GCSAML: variants seen among roughly 807,000 people sequenced by gnomAD.
GCSAML encodes germinal center-associated signaling and motility-like protein.
A neutral mutation model predicts 13.0 loss-of-function variants in GCSAML; 9 were observed. The observed-to-expected ratio is 0.69, with a 90% CI of 0.42 to 1.21. GCSAML has a LOEUF of 1.21. GCSAML is among the 50% of genes most tolerant of loss of function. GCSAML has a pLI of 0.00. For synonymous variants in GCSAML, 37 were observed against 52.9 expected (o/e 0.70, Z 1.31); for missense variants, 143 against 153.4 (o/e 0.93, Z 0.36).
chr1:247,519,771 G>A (rs1435212585), intron 1 of GCSAML, among the ~76,000 whole-genome samples: 1 of 152,180 alleles, frequency 6.6e-6, no homozygotes, highest in Admixed American at 6.5e-5. Context: ...GTTGGAACAA[G>A]CTTCCAAGCA....
chr1:247,521,305 T>TGTCTCC (rs1666408770), intron 1 of GCSAML, among the ~76,000 whole-genome samples: 1 of 148,668 alleles, frequency 6.7e-6, no homozygotes, highest in African/African-American at 2.5e-5. Context: ...AAAAACATAA[T>TGTCTCC]GTCTCCCTCT....
At chr1:247,531,026 G>A (rs1032441126) in intron 2 of GCSAML, 6 of 155,178 alleles carry the variant, frequency 3.9e-5, no homozygotes, top group African/African-American at 1.2e-4. Context: ...CCCGAGGTAG[G>A]GTAGGAAGAG....
In GCSAML at chr1:247,577,464, A is replaced by G. The variant is rs985793370; in HGVS notation, c.*3082A>G. 5 of 152,128 alleles carry G rather than the reference A, an allele frequency of 3.3e-5. No homozygotes were observed. The highest frequency in any genetic ancestry group is 4.8e-5 in the African/African-American group (2 of 41,412). The allele number at this position is 152,128 out of a possible 1,614,324, so 9.4% of individuals were successfully genotyped here. On this transcript the variant is annotated 3_prime_UTR_variant, in exon 5 of 5. Coordinates refer to ENST00000366488, the MANE Select transcript of GCSAML (RefSeq NM_145278.5). ...ATATTTGTAGCAATGTACCCTTTCC[A>G]TATTTATTTTGTGTGTGTAAGGCTT...
intron 2 of GCSAML, among the ~76,000 whole-genome samples, chr1:247,563,117 G>A (rs1668201024): frequency 6.6e-6 from 1 of 151,584 alleles, no homozygotes. Flanking sequence ...CAAAGTGCTG[G>A]GATCACAGGC....
At chr1:247,534,800 A>G (rs939202545) in intron 2 of GCSAML, among the ~76,000 whole-genome samples, 1 of 152,228 alleles carries the variant, frequency 6.6e-6, no homozygotes, top group Non-Finnish European at 1.5e-5. Flanking sequence ...ATGTGCATTC[A>G]GTTTTAAAAA....
intron 1 of GCSAML, among the ~76,000 whole-genome samples, chr1:247,514,534 A>G (rs1666149240): frequency 1.3e-5 from 2 of 152,142 alleles, no homozygotes; most frequent in Non-Finnish European, 2.9e-5. Context: ...TTGGTCATGA[A>G]GTCTTTGCCT....
At chr1:247,573,065 G>A (rs779905329) in intron 4 of GCSAML, among the ~76,000 whole-genome samples, 32 of 152,204 alleles carry the variant, frequency 2.1e-4, no homozygotes, top group Non-Finnish European at 4.0e-4. Context: ...CTGCTGTGCT[G>A]GCAGCAAGAA....
intron 3 of GCSAML, among the ~76,000 whole-genome samples, chr1:247,564,330 T>C (rs1668256471): frequency 6.6e-6 from 1 of 151,614 alleles, no homozygotes; most frequent in Non-Finnish European, 1.5e-5. Context: ...GAAGGATTCC[T>C]TGAGGCCAGA....
chr1:247,567,137 A>T (rs1205182195), intron 4 of GCSAML, among the ~76,000 whole-genome samples: 1 of 150,268 alleles, frequency 6.7e-6, no homozygotes, highest in Non-Finnish European at 1.5e-5. Context: ...AACATTTCTT[A>T]CATTATATAT....
At chr1:247,563,683 A>G in intron 3 of GCSAML, 44 bp downstream of exon 3, 1 of 1,123,634 alleles carries the variant, frequency 8.9e-7, no homozygotes, top group Non-Finnish European at 1.3e-6. Flanking sequence ...GGGAAGTGCA[A>G]ATTTAAGCAT....
In GCSAML at chr1:247,527,269, T is replaced by A; in HGVS notation, c.-148+215T>A. 1 of 344,130 alleles carries A rather than the reference T, an allele frequency of 2.9e-6. No individual in the cohort carries two copies. The highest frequency in any genetic ancestry group is 2.3e-5 in the South Asian group (1 of 44,110). 21.3% of individuals were successfully genotyped at this position (344,130 alleles called of 1,614,324 possible). On this transcript the variant is annotated intron_variant, in intron 2 of 5. Transcript: ENST00000366489. This position sits in a 1 kb window ranked among gnomAD's most constrained non-coding sequence, Gnocchi z 4.6. ...GCAAAGCACAGTGCTGTCCTCATGG[T>A]TCTGGGAGGGTCTGCGTTGTCTGCT...
At chr1:247,552,510 C>T (rs1041685253) in intron 1 of GCSAML, among the ~76,000 whole-genome samples, 11 of 152,204 alleles carry the variant, frequency 7.2e-5, no homozygotes, top group African/African-American at 2.7e-4. Flanking sequence ...TGCTTTCTAG[C>T]CCCTGACTAG....
chr1:247,519,096 A>AAAC (rs1666328402), intron 1 of GCSAML: 1 of 148,192 alleles, frequency 6.7e-6, no homozygotes, highest in Non-Finnish European at 1.5e-5. Context: ...AACAAACAAA[A>AAAC]AGCGGCAGGG....
At chr1:247,556,250 A>T (rs1667941215) in intron 1 of GCSAML, among the ~76,000 whole-genome samples, 157 bp from the exon 2 acceptor site, 1 of 152,192 alleles carries the variant, frequency 6.6e-6, no homozygotes, top group Non-Finnish European at 1.5e-5. Flanking sequence ...TCTGAAATGC[A>T]TTCTATCTGT....
intron 1 of GCSAML, among the ~76,000 whole-genome samples, chr1:247,550,616 G>T (rs1290538298): frequency 6.6e-6 from 1 of 151,756 alleles, no homozygotes; most frequent in African/African-American, 2.4e-5. Context: ...CAGCCTGGGC[G>T]ACAGAGCAAG....
chr1:247,550,448 T>C (rs920603571), intron 1 of GCSAML, among the ~76,000 whole-genome samples: 3 of 152,092 alleles, frequency 2.0e-5, no homozygotes, highest in Non-Finnish European at 4.4e-5. Context: ...CCATTCTGGC[T>C]AACACGGTGA....
Position 247,526,933 on chromosome 1 carries a change from CT to C in GCSAML, c.-262-4del. 2.2e-6 allele frequency: 1 copy of C among 456,118 alleles called. No homozygotes were observed. Among genetic ancestry groups the C allele is most frequent in the Non-Finnish European group, 4.4e-6 (1 of 226,828 alleles). The allele number at this position is 456,118 out of a possible 1,614,324, so 28.3% of individuals were successfully genotyped here. ...ATTTAGAAAGGTCTTCTTTCACTTT[CT>C]TTCAGGATTTACTGCCTCAAGATGG... is the stretch of plus-strand genomic sequence containing the variant. On this transcript the variant is annotated splice_polypyrimidine_tract_variant and splice_region_variant and intron_variant, in intron 1 of 5. Transcript: ENST00000366489. This position sits in a 1 kb window ranked among gnomAD's most constrained non-coding sequence, Gnocchi z 4.8.
intron 2 of GCSAML, among the ~76,000 whole-genome samples, chr1:247,537,053 C>G (rs2103015385): frequency 6.6e-6 from 1 of 152,272 alleles, no homozygotes; most frequent in Admixed American, 6.5e-5. Context: ...ACTGTACCAT[C>G]ACCTCTATCA....
intron 1 of GCSAML, among the ~76,000 whole-genome samples, chr1:247,553,064 T>C (rs866564329): frequency 1.3e-5 from 2 of 152,324 alleles, no homozygotes; most frequent in East Asian, 1.9e-4. Context: ...TATGCAGATA[T>C]ACTATTAATA....
Sources: gnomAD v4.1 joint callset for allele counts (sites outside exome capture counted in the v4.1 genomes callset) on GRCh38, gnomAD v4.1.1 for gene constraint, Gnocchi (gnomAD v3.1) non-coding constraint, MANE v1.5 for transcripts, NCBI Gene and HGNC (gene_info 2026-07-23, HGNC 2026-07-21) for gene names.